PCDH9: variants seen among roughly 807,000 people sequenced by gnomAD.
PCDH9 encodes the protein protocadherin 9.
PCDH9 carries 24 observed loss-of-function variants against 70.6 expected under a neutral mutation model. The ratio of observed to expected loss-of-function variants is 0.34; its 90% CI spans 0.25 to 0.48. The LOEUF is 0.48. PCDH9 is among the 20% of genes least tolerant of loss of function. PCDH9 has a pLI of 0.99. For synonymous variants in PCDH9, 562 were observed against 558.5 expected (o/e 1.01, Z -0.09); for missense variants, 1,281 against 1,503.6 (o/e 0.85, Z 2.45).
At chr13:66,932,930 T>G (rs947211083) in intron 2 of PCDH9, among the ~76,000 whole-genome samples, 1 of 151,240 alleles carries the variant, frequency 6.6e-6, no homozygotes, top group Non-Finnish European at 1.5e-5. Context: ...TACATAAATA[T>G]ATAAATATAT....
At chr13:67,122,070 A>T (rs2086887994) in intron 2 of PCDH9, among the ~76,000 whole-genome samples, 1 of 152,184 alleles carries the variant, frequency 6.6e-6, no homozygotes, top group Non-Finnish European at 1.5e-5. Context: ...GAATAACTGA[A>T]TTACAGATGT....
At chr13:66,661,527 T>A (rs1230337042) in intron 3 of PCDH9, among the ~76,000 whole-genome samples, 2 of 151,222 alleles carry the variant, frequency 1.3e-5, no homozygotes, top group African/African-American at 4.9e-5. Context: ...TCCCCTGAGG[T>A]ATGCCCTTGT....
chr13:67,054,547 TTTTC>T (rs2085381817), intron 2 of PCDH9, among the ~76,000 whole-genome samples: 1 of 152,152 alleles, frequency 6.6e-6, no homozygotes, highest in Non-Finnish European at 1.5e-5. Flanking sequence ...GCTTCAGAAT[TTTTC>T]TTTCTTTCTT....
chr13:66,424,405 C>T (rs921484292), intron 4 of PCDH9, among the ~76,000 whole-genome samples: 5 of 151,848 alleles, frequency 3.3e-5, no homozygotes, highest in African/African-American at 1.2e-4. Flanking sequence ...AGGTTAAATG[C>T]CTTTCCCTAG....
intron 3 of PCDH9, among the ~76,000 whole-genome samples, chr13:66,814,619 A>G (rs1416839859): frequency 1.3e-5 from 2 of 152,144 alleles, no homozygotes; most frequent in African/African-American, 4.8e-5. Flanking sequence ...CCAAATGTCC[A>G]TTATTGGGCT....
At chr13:67,007,645 T>C (rs1318731804) in intron 2 of PCDH9, among the ~76,000 whole-genome samples, 1 of 152,090 alleles carries the variant, frequency 6.6e-6, no homozygotes, top group Non-Finnish European at 1.5e-5. Flanking sequence ...ATTCAGGCCG[T>C]GTATATATTG....
chr13:66,851,441 A>G (rs1157174532), intron 3 of PCDH9, among the ~76,000 whole-genome samples: 1 of 152,206 alleles, frequency 6.6e-6, no homozygotes, highest in Admixed American at 6.5e-5. Flanking sequence ...AAATCTTTAA[A>G]TTGTATGTCC....
intron 3 of PCDH9, among the ~76,000 whole-genome samples, chr13:66,762,316 T>C (rs1020512729): frequency 6.6e-6 from 1 of 152,060 alleles, no homozygotes; most frequent in African/African-American, 2.4e-5. Flanking sequence ...GGACTATGCA[T>C]TCCCTCCTAG....
At chr13:66,598,472 A>G (rs2077128768) in intron 4 of PCDH9, among the ~76,000 whole-genome samples, 1 of 151,842 alleles carries the variant, frequency 6.6e-6, no homozygotes, top group African/African-American at 2.4e-5. Flanking sequence ...TTTTAACTAA[A>G]TGAAGTATTT....
At position 66,353,206 on chromosome 13, in the gene PCDH9, T is replaced by C. The variant is rs189042312; in HGVS notation, c.3341-48178A>G. ...TCCAGCAGCTGCACTTACATACTGG[T>C]AGAAAGCAAGTGGTCCTCAAAAAAC... is the stretch of plus-strand genomic sequence containing the variant. On this transcript the variant is annotated intron_variant, in intron 4 of 4. Coordinates refer to ENST00000377865, the MANE Select transcript of PCDH9 (RefSeq NM_203487.3). Among the ~76,000 whole-genome samples the C allele has an allele frequency of 3.3e-5, 5 of 152,266 alleles. No individual in the cohort carries two copies. In the East Asian group the frequency reaches 9.6e-4, roughly 29 times the overall value.
At chr13:66,982,291 A>G (rs1438477538) in intron 2 of PCDH9, among the ~76,000 whole-genome samples, 3 of 152,120 alleles carry the variant, frequency 2.0e-5, no homozygotes, top group African/African-American at 7.2e-5. Context: ...TTTCTTTATA[A>G]ATTACCCAGT....
chr13:66,480,212 T>A (rs1457944310), intron 4 of PCDH9, among the ~76,000 whole-genome samples: 2 of 152,138 alleles, frequency 1.3e-5, no homozygotes, highest in Non-Finnish European at 2.9e-5. Context: ...GCAGATGTGG[T>A]GGGAATAGCT....
chr13:66,975,367 T>G (rs552453393), intron 2 of PCDH9, among the ~76,000 whole-genome samples: 1 of 152,120 alleles, frequency 6.6e-6, no homozygotes, highest in Admixed American at 6.6e-5. Context: ...CTAATAATGG[T>G]TTCAACATTT....
At chr13:66,518,446 G>A (rs936036112) in intron 4 of PCDH9, among the ~76,000 whole-genome samples, 2 of 151,998 alleles carry the variant, frequency 1.3e-5, no homozygotes, top group South Asian at 4.1e-4. Context: ...ACTTTTAAAA[G>A]TTTCAAAAGT....
chr13:67,039,929 C>G (rs2085079611), intron 2 of PCDH9, among the ~76,000 whole-genome samples: 1 of 151,460 alleles, frequency 6.6e-6, no homozygotes, highest in Admixed American at 6.6e-5. Flanking sequence ...CTATAAAAAT[C>G]AAATTGAAGT....
At chr13:67,146,512 T>C (rs1168984526) in intron 2 of PCDH9, among the ~76,000 whole-genome samples, 1 of 152,284 alleles carries the variant, frequency 6.6e-6, no homozygotes, top group Non-Finnish European at 1.5e-5. Context: ...TGATGGACAT[T>C]TTGATTCAGG....
intron 4 of PCDH9, among the ~76,000 whole-genome samples, chr13:66,616,224 C>A (rs997499022): frequency 6.6e-6 from 1 of 152,174 alleles, no homozygotes; most frequent in Admixed American, 6.5e-5. Context: ...GGATATAAAC[C>A]TGTGCTTGGG....
chr13:67,145,027 TG>T (rs2087487368), intron 2 of PCDH9, among the ~76,000 whole-genome samples: 1 of 152,140 alleles, frequency 6.6e-6, no homozygotes, highest in South Asian at 2.1e-4. Flanking sequence ...AAGGTGAGGA[TG>T]TTCACAGATT....
At chr13:66,647,345 G>T (rs890055018) in intron 3 of PCDH9, among the ~76,000 whole-genome samples, 1 of 152,054 alleles carries the variant, frequency 6.6e-6, no homozygotes, top group Non-Finnish European at 1.5e-5. Context: ...CTTGCAACTT[G>T]CTTACAAGCT....
Sources: gnomAD v4.1 joint callset for allele counts (sites outside exome capture counted in the v4.1 genomes callset) on GRCh38, gnomAD v4.1.1 for gene constraint, MANE v1.5 for transcripts, NCBI Gene and HGNC (gene_info 2026-07-23, HGNC 2026-07-21) for gene names.